Variants in NTRK3 observed in about 807,000 individuals in gnomAD.
NTRK3 encodes neurotrophic receptor tyrosine kinase 3.
A neutral mutation model predicts 91.7 loss-of-function variants in NTRK3; 24 were observed. That is an observed-to-expected ratio of 0.26 (90% CI 0.19 to 0.37). The LOEUF is 0.37. Among genes scored for constraint, NTRK3 ranks in the 10% least tolerant of loss-of-function variants. The pLI is 1.00. For synonymous variants in NTRK3, 483 were observed against 404.0 expected (o/e 1.20, Z -2.34); for missense variants, 880 against 1,068.9 (o/e 0.82, Z 2.46).
chr15:87,950,625 C>A (rs2071018606), intron 14 of NTRK3, among the ~76,000 whole-genome samples: 1 of 152,182 alleles, frequency 6.6e-6, no homozygotes, highest in Non-Finnish European at 1.5e-5. Flanking sequence ...TTTACTAAAC[C>A]AGTCTCAAAT....
At chr15:87,911,726 G>A (rs890585351) in intron 17 of NTRK3, among the ~76,000 whole-genome samples, 7 of 152,146 alleles carry the variant, frequency 4.6e-5, no homozygotes, top group Non-Finnish European at 1.0e-4. Context: ...CCAAATTAGG[G>A]TCCTTAAGCA....
At chr15:88,208,783 T>C (rs2049001050) in intron 3 of NTRK3, among the ~76,000 whole-genome samples, 1 of 152,212 alleles carries the variant, frequency 6.6e-6, no homozygotes, top group Non-Finnish European at 1.5e-5. Context: ...CAAAATCACC[T>C]AGGGAACCTT....
intron 3 of NTRK3, among the ~76,000 whole-genome samples, chr15:88,229,591 C>T (rs2050994177): frequency 6.6e-6 from 1 of 152,192 alleles, no homozygotes; most frequent in African/African-American, 2.4e-5. Context: ...CTGAGAAGAG[C>T]CTGCCAGTTA....
intron 17 of NTRK3, among the ~76,000 whole-genome samples, chr15:87,906,396 G>A (rs952585551): frequency 6.6e-6 from 1 of 152,176 alleles, no homozygotes; most frequent in African/African-American, 2.4e-5. Flanking sequence ...ACAAGTCAGA[G>A]ATTAAGGGAC....
chr15:87,958,624 C>A (rs1485511533), intron 14 of NTRK3, among the ~76,000 whole-genome samples: 3 of 151,966 alleles, frequency 2.0e-5, no homozygotes, highest in Non-Finnish European at 2.9e-5. Context: ...TGCTCCCAAG[C>A]CCATCAATAA....
At chr15:87,946,755 T>C (rs2070550481) in intron 14 of NTRK3, among the ~76,000 whole-genome samples, 1 of 152,214 alleles carries the variant, frequency 6.6e-6, no homozygotes, top group South Asian at 2.1e-4. Context: ...CTTTAGCTCG[T>C]TGTTATCCCT....
At chr15:87,946,874 CTTTTTTT>C (rs560114979) in intron 14 of NTRK3, among the ~76,000 whole-genome samples, 8 of 85,432 alleles carry the variant, frequency 9.4e-5, no homozygotes, top group African/African-American at 2.9e-4. Context: ...TTCGTGGGTT[CTTTTTTT>C]TTTTTTTTTT....
chr15:87,968,725 C>T (rs1404460515), intron 14 of NTRK3, among the ~76,000 whole-genome samples: 1 of 152,044 alleles, frequency 6.6e-6, no homozygotes, highest in East Asian at 1.9e-4. Flanking sequence ...CAAGGGTATG[C>T]AAAAACAATT....
intron 5 of NTRK3, among the ~76,000 whole-genome samples, chr15:88,162,185 G>C (rs1304555151): frequency 6.6e-6 from 1 of 152,192 alleles, no homozygotes; most frequent in Non-Finnish European, 1.5e-5. Flanking sequence ...AGAAGGTTCT[G>C]TTCTTACTCA....
At chr15:87,969,736 A>T (rs2040230724) in intron 14 of NTRK3, among the ~76,000 whole-genome samples, 1 of 152,142 alleles carries the variant, frequency 6.6e-6, no homozygotes, top group Non-Finnish European at 1.5e-5. Context: ...TGACCCCTCA[A>T]GCTTTAACAT....
At chr15:88,246,763 C>T (rs2052866212) in intron 3 of NTRK3, among the ~76,000 whole-genome samples, 1 of 152,176 alleles carries the variant, frequency 6.6e-6, no homozygotes, top group Non-Finnish European at 1.5e-5. Flanking sequence ...TCAGAAAGTC[C>T]GGGTCCTGGA....
rs546341534 is a variant in NTRK3 at position 88,237,196 on chromosome 15, C to T, written c.248+18710G>A. Among the ~76,000 whole-genome samples the T allele has an allele frequency of 6.6e-5, 10 of 152,170 alleles. No individual in the cohort carries two copies. In the East Asian group the frequency reaches 1.9e-3, roughly 29 times the overall value. On this transcript the variant is annotated intron_variant, in intron 3 of 18. Coordinates refer to ENST00000394480, the Ensembl canonical transcript of NTRK3. The surrounding 1 kb of genome is among the most constrained non-coding windows in gnomAD (Gnocchi z 4.0). ...GAGGATGTGATAAAGAAGTAGAGTG[C>T]CATATTAATTGCAGAGTCTAGGGCG...
chr15:87,983,535 G>A lies in NTRK3; in HGVS notation c.1586-42782C>T, dbSNP rs573071693. 6.8e-4 allele frequency among the ~76,000 whole-genome samples: 104 copies of A among 152,292 alleles called. 1 individual carries two copies. In the South Asian group the frequency reaches 0.02, roughly 29 times the overall value. On this transcript the variant is annotated intron_variant, in intron 14 of 18. Transcript: ENST00000394480. ...GTGCCAGTGACAGGTATCACCTACA[G>A]TTAGTTCTTTATACCTCAACATCCC...
intron 5 of NTRK3, among the ~76,000 whole-genome samples, chr15:88,176,133 C>CTTTTT (rs1167029194): frequency 1.7e-5 from 2 of 115,636 alleles, no homozygotes; most frequent in African/African-American, 8.0e-5. Flanking sequence ...CTATATGCCC[C>CTTTTT]TTCTTTTTTT....
At chr15:88,056,477 C>T (rs2045706352) in intron 13 of NTRK3, among the ~76,000 whole-genome samples, 1 of 152,096 alleles carries the variant, frequency 6.6e-6, no homozygotes, top group Non-Finnish European at 1.5e-5. Flanking sequence ...AGTTTATTAT[C>T]TGCCTCGGGG....
chr15:87,921,540 C>T (rs912903769), intron 17 of NTRK3, among the ~76,000 whole-genome samples: 1 of 152,178 alleles, frequency 6.6e-6, no homozygotes. Flanking sequence ...TAGCTGGCAA[C>T]TGCTTGCCTA....
intron 13 of NTRK3, among the ~76,000 whole-genome samples, chr15:88,051,229 T>C (rs1198311308): frequency 6.6e-6 from 1 of 152,158 alleles, no homozygotes; most frequent in Non-Finnish European, 1.5e-5. Context: ...TGCCCAACCC[T>C]ACACCTCCCA....
chr15:87,955,775 C>T (rs552620774), intron 14 of NTRK3, among the ~76,000 whole-genome samples: 5 of 152,262 alleles, frequency 3.3e-5, no homozygotes, highest in African/African-American at 7.2e-5. Flanking sequence ...TCGTTGTTGA[C>T]GGTGATGGAA....
At chr15:88,054,904 T>C (rs1390647375) in intron 13 of NTRK3, among the ~76,000 whole-genome samples, 2 of 152,142 alleles carry the variant, frequency 1.3e-5, no homozygotes, top group Non-Finnish European at 2.9e-5. Flanking sequence ...ACTCTTAATA[T>C]CACCATTTTG....
Sources: allele counts gnomAD v4.1 joint callset (sites outside exome capture counted in the v4.1 genomes callset), GRCh38; gene constraint gnomAD v4.1.1; non-coding constraint Gnocchi (gnomAD v3.1); transcripts MANE v1.5; gene names NCBI Gene and HGNC (gene_info 2026-07-23, HGNC 2026-07-21).